Variants in PLD5 observed in about 807,000 individuals in gnomAD.
PLD5 encodes the protein phospholipase D family member 5, also known as inactive phospholipase D5.
A neutral mutation model predicts 61.1 loss-of-function variants in PLD5; 36 were observed. The ratio of observed to expected loss-of-function variants is 0.59; its 90% CI spans 0.45 to 0.78. The LOEUF is 0.78. Ranked by LOEUF, PLD5 falls within the 30% of genes least tolerant of loss-of-function variation. The pLI, the probability that PLD5 is intolerant of heterozygous loss-of-function variation, is 0.00. For missense variants in PLD5, 515 were observed against 644.4 expected (o/e 0.80, Z 2.17); for synonymous variants, 243 against 242.8 (o/e 1.00, Z -0.01).
chr1:242,312,080 T>A (rs1017223521), intron 2 of PLD5, among the ~76,000 whole-genome samples: 1 of 152,014 alleles, frequency 6.6e-6, no homozygotes, highest in Admixed American at 6.6e-5. Context: ...CTACTTTTTT[T>A]ATATTCTCAT....
intron 1 of PLD5, among the ~76,000 whole-genome samples, chr1:242,495,460 G>T (rs1159537438): frequency 6.6e-6 from 1 of 152,090 alleles, no homozygotes; most frequent in Admixed American, 6.6e-5. Context: ...GCTGTAAGCA[G>T]TATCCCAGGG....
chr1:242,171,478 A>G (rs1003309066), intron 5 of PLD5, among the ~76,000 whole-genome samples: 3 of 152,188 alleles, frequency 2.0e-5, no homozygotes, highest in Non-Finnish European at 2.9e-5. Flanking sequence ...AAGAAACTGC[A>G]TCTACTAATG....
rs1673850235 is a variant in PLD5, at chr1:242,268,493, G to A, written c.496-3045C>T. On this transcript the variant is annotated intron_variant, in intron 3 of 9. Transcript: ENST00000536534. ...TTTTTGTGGGACTTAAAGACAACCA[G>A]AACTCTCACACATGAATGAAAATAG... Among the ~76,000 whole-genome samples, 3 of 152,148 alleles carry A rather than the reference G, an allele frequency of 2.0e-5. No homozygotes were observed. The South Asian group carries it at 6.2e-4, about 32-fold the overall frequency.
At chr1:242,515,333 C>T (rs1200265614) in intron 1 of PLD5, among the ~76,000 whole-genome samples, 3 of 152,184 alleles carry the variant, frequency 2.0e-5, no homozygotes, top group Non-Finnish European at 2.9e-5. Flanking sequence ...CTGTCTCAGC[C>T]TCCCAACTAG....
At chr1:242,434,115 T>TG (rs1665866894) in intron 1 of PLD5, among the ~76,000 whole-genome samples, 1 of 152,206 alleles carries the variant, frequency 6.6e-6, no homozygotes, top group Admixed American at 6.5e-5. Flanking sequence ...GCTAAGAAGC[T>TG]GCAGGCAGCA....
At chr1:242,097,919 T>C (rs1240873432) in intron 9 of PLD5, among the ~76,000 whole-genome samples, 6 of 152,256 alleles carry the variant, frequency 3.9e-5, no homozygotes, top group Admixed American at 3.9e-4. Context: ...GAATTGATTT[T>C]TGTATAAGGT....
At chr1:242,408,358 G>T (rs1664357142) in intron 1 of PLD5, among the ~76,000 whole-genome samples, 1 of 152,184 alleles carries the variant, frequency 6.6e-6, no homozygotes, top group South Asian at 2.1e-4. Context: ...TTGGAGGTTT[G>T]TCCCCTCCAA....
At chr1:242,380,551 T>A (rs60511111) in intron 1 of PLD5, among the ~76,000 whole-genome samples, 1 of 152,120 alleles carries the variant, frequency 6.6e-6, no homozygotes, top group Non-Finnish European at 1.5e-5. Context: ...TAAACGCACA[T>A]ATCATGCATT....
chr1:242,510,455 T>G (rs868649022), intron 1 of PLD5, among the ~76,000 whole-genome samples: 1 of 152,192 alleles, frequency 6.6e-6, no homozygotes, highest in South Asian at 2.1e-4. Flanking sequence ...CCACTTAGCT[T>G]GCTCTGTCAT....
At chr1:242,304,708 T>C (rs1676247497) in intron 2 of PLD5, among the ~76,000 whole-genome samples, 1 of 152,248 alleles carries the variant, frequency 6.6e-6, no homozygotes, top group Admixed American at 6.5e-5. Context: ...TTCATTTTAT[T>C]ATTTTCTTGA....
chr1:242,492,499 A>T lies in PLD5; in HGVS notation c.189+31589T>A, dbSNP rs148504964. Among the ~76,000 whole-genome samples, 14 of 150,162 alleles carry T rather than the reference A, an allele frequency of 9.3e-5. No individual in the cohort carries two copies. The East Asian group carries it at 2.7e-3, about 29-fold the overall frequency. On this transcript the variant is annotated intron_variant, in intron 1 of 9. Coordinates refer to ENST00000536534, the MANE Select transcript of PLD5 (RefSeq NM_001372062.1). ...ATCACACCATTGCACTCCAGTATGGATAACAAGAGCAAAACTCCGTCTCAA... is the reference window on the plus strand; with the variant it reads ...ATCACACCATTGCACTCCAGTATGGTTAACAAGAGCAAAACTCCGTCTCAA...
intron 8 of PLD5, among the ~76,000 whole-genome samples, chr1:242,102,634 C>T (rs1417665951): frequency 6.6e-6 from 1 of 152,102 alleles, no homozygotes. Context: ...TACCTAGTTC[C>T]CAGGCCATGT....
intron 4 of PLD5, among the ~76,000 whole-genome samples, chr1:242,238,614 T>C (rs184005001): frequency 2.0e-5 from 3 of 152,360 alleles, no homozygotes; most frequent in East Asian, 1.9e-4. Flanking sequence ...ACTTAATTAC[T>C]GGAAGTATTT....
chr1:242,401,803 G>A (rs1663949741), intron 1 of PLD5, among the ~76,000 whole-genome samples: 1 of 152,188 alleles, frequency 6.6e-6, no homozygotes, highest in African/African-American at 2.4e-5. Context: ...TTCAATGCTT[G>A]CATTGTCCTA....
At chr1:242,444,532 C>T (rs149703131) in intron 1 of PLD5, among the ~76,000 whole-genome samples, 5 of 150,792 alleles carry the variant, frequency 3.3e-5, no homozygotes, top group African/African-American at 1.2e-4. Context: ...AACCTGTGGA[C>T]ATAGGAATAT....
intron 5 of PLD5, among the ~76,000 whole-genome samples, chr1:242,203,899 G>C (rs57870474): frequency 0.012 from 1,862 of 152,118 alleles, 37 homozygotes; most frequent in African/African-American, 0.042. Context: ...TGCAATCATA[G>C]GTCTGTTTAA....
At chr1:242,283,289 T>C (rs1164345363) in intron 3 of PLD5, among the ~76,000 whole-genome samples, 2 of 152,200 alleles carry the variant, frequency 1.3e-5, no homozygotes, top group African/African-American at 4.8e-5. Flanking sequence ...TCACACTCAC[T>C]CTAACAAAAT....
chr1:242,194,315 C>T (rs419667), intron 5 of PLD5, among the ~76,000 whole-genome samples: 3,004 of 152,224 alleles, frequency 0.02, 102 homozygotes, highest in African/African-American at 0.069. Flanking sequence ...CTCTACATTG[C>T]TGGTGGGAAT....
Position 242,288,463 on chromosome 1 carries a change from G to A in PLD5, c.394C>T (p.Leu132Phe). Reference protein sequence around the residue: ...YSENAPFHLSLFQGWMNLLNM... With the variant: ...YSENAPFHLSFFQGWMNLLNM... ...AGTAAATTCATCCAGCCTTGGAAAA[G>A]TGATAAGTGAAATGGTGCATTTTCT... The change falls in exon 3 of 10, where the codon CTT (leucine) becomes TTT (phenylalanine). Residue 132 changes from leucine to phenylalanine, a missense_variant. Transcript: ENST00000536534. The A allele has an allele frequency of 6.2e-7, 1 of 1,612,664 alleles. No individual in the cohort carries two copies. The highest frequency in any genetic ancestry group is 8.5e-7 in the Non-Finnish European group (1 of 1,179,554).
Sources: gnomAD v4.1 joint callset for allele counts (sites outside exome capture counted in the v4.1 genomes callset) on GRCh38, gnomAD v4.1.1 for gene constraint, MANE v1.5 for transcripts, NCBI Gene and HGNC (gene_info 2026-07-23, HGNC 2026-07-21) for gene names.